The following CCSER1 variants were observed in gnomAD, a reference collection of about 807,000 sequenced individuals.
CCSER1 encodes the protein coiled-coil serine rich protein 1, also known as serine-rich coiled-coil domain-containing protein 1.
CCSER1 carries 41 observed loss-of-function variants against 82.0 expected under a neutral mutation model. The observed-to-expected ratio is 0.50, with a 90% CI of 0.39 to 0.65. CCSER1 has a LOEUF of 0.65. CCSER1 is among the 30% of genes least tolerant of loss of function. The probability of loss-of-function intolerance (pLI) is 0.00; values close to 1 mark genes in which losing one functional copy is unlikely to be tolerated. For missense variants in CCSER1, 1,119 were observed against 1,064.2 expected (o/e 1.05, Z -0.72); for synonymous variants, 414 against 383.9 (o/e 1.08, Z -0.92).
intron 7 of CCSER1, among the ~76,000 whole-genome samples, chr4:90,773,053 C>T (rs1366753835): frequency 6.6e-6 from 1 of 152,108 alleles, no homozygotes; most frequent in Non-Finnish European, 1.5e-5. Flanking sequence ...CCAGCCTGAC[C>T]AACGTGGAGA....
At chr4:90,286,129 T>C (rs773050401) in intron 1 of CCSER1, among the ~76,000 whole-genome samples, 26 of 152,062 alleles carry the variant, frequency 1.7e-4, no homozygotes, top group Non-Finnish European at 2.2e-4. Flanking sequence ...GGTTTTGGTA[T>C]TGGGGTAATA....
At chr4:91,252,861 G>T (rs185943602) in intron 10 of CCSER1, among the ~76,000 whole-genome samples, 88 of 152,188 alleles carry the variant, frequency 5.8e-4, no homozygotes, top group Admixed American at 7.2e-4. Flanking sequence ...CACAAAGGAA[G>T]ATAGTAATGC....
intron 9 of CCSER1, among the ~76,000 whole-genome samples, chr4:91,082,821 C>T (rs568971020): frequency 6.6e-6 from 1 of 152,286 alleles, no homozygotes; most frequent in African/African-American, 2.4e-5. Context: ...TGCTCATCAT[C>T]ACTGGTCATC....
chr4:90,608,778 C>T (rs1002143311), intron 5 of CCSER1, among the ~76,000 whole-genome samples: 3 of 150,674 alleles, frequency 2.0e-5, no homozygotes, highest in Non-Finnish European at 3.0e-5. Context: ...TTTATTTCTT[C>T]TTATTTTATT....
intron 10 of CCSER1, among the ~76,000 whole-genome samples, chr4:91,494,511 A>C (rs927414647): frequency 4.6e-5 from 7 of 151,814 alleles, no homozygotes; most frequent in Non-Finnish European, 8.8e-5. Flanking sequence ...AGTAATTACC[A>C]GTATGTTTTG....
intron 10 of CCSER1, among the ~76,000 whole-genome samples, chr4:91,426,877 C>T (rs142639815): frequency 6.6e-6 from 1 of 152,146 alleles, no homozygotes; most frequent in East Asian, 1.9e-4. Flanking sequence ...ATTTATTGAA[C>T]CCTATGAGTC....
intron 3 of CCSER1, among the ~76,000 whole-genome samples, chr4:90,351,842 A>G (rs935796418): frequency 6.6e-6 from 1 of 152,216 alleles, no homozygotes; most frequent in African/African-American, 2.4e-5. Flanking sequence ...ACTTAGTCAT[A>G]ATAAATAGAA....
At chr4:90,881,766 C>T (rs1721359278) in intron 8 of CCSER1, among the ~76,000 whole-genome samples, 1 of 152,094 alleles carries the variant, frequency 6.6e-6, no homozygotes, top group African/African-American at 2.4e-5. Flanking sequence ...AGCTGGGTGA[C>T]AGAGTAAGAC....
chr4:90,371,383 T>C (rs1747384733), intron 3 of CCSER1, among the ~76,000 whole-genome samples: 1 of 152,150 alleles, frequency 6.6e-6, no homozygotes, highest in African/African-American at 2.4e-5. Flanking sequence ...TTGAATAAAA[T>C]TTGTTTACAA....
chr4:90,499,507 C>T (rs756633923), intron 5 of CCSER1, among the ~76,000 whole-genome samples: 2 of 152,084 alleles, frequency 1.3e-5, no homozygotes, highest in African/African-American at 2.4e-5. Context: ...TCTTTATAAG[C>T]TTCTCTTGGT....
chr4:90,170,745 C>G (rs191113358), intron 1 of CCSER1, among the ~76,000 whole-genome samples: 1 of 151,848 alleles, frequency 6.6e-6, no homozygotes, highest in Admixed American at 6.6e-5. Flanking sequence ...TATATATGTA[C>G]TATATTTTCT....
At chr4:90,510,868 G>A (rs1334805766) in intron 5 of CCSER1, among the ~76,000 whole-genome samples, 1 of 152,172 alleles carries the variant, frequency 6.6e-6, no homozygotes, top group African/African-American at 2.4e-5. Context: ...ACAGTAGCAG[G>A]GTCCTGGCCC....
Position 90,276,251 on chromosome 4 carries a change from TTTCCTTCCTTCCTTCCTTCC to T in CCSER1, c.-41-31954_-41-31935del, listed in dbSNP as rs1225474182. ...CTTTCTTTCTTTCTTTCTTTCTTTCTTTCCTTCCTTCCTTCCTTCCTTCCTTCCTTCCTTCCTTCCTTCCT... is the reference window on the plus strand; with the variant it reads ...CTTTCTTTCTTTCTTTCTTTCTTTCTTTCCTTCCTTCCTTCCTTCCTTCCT... On this transcript the variant is annotated intron_variant, in intron 1 of 10. Transcript: ENST00000509176. Among the ~76,000 whole-genome samples the T allele has an allele frequency of 1.3e-3, 99 of 76,832 alleles. 1 individual carries two copies. Among genetic ancestry groups the T allele is most frequent in the Non-Finnish European group, 1.9e-3 (69 of 37,292 alleles). 50.4% of individuals were successfully genotyped at this position (76,832 alleles called of 152,430 possible). A position where few individuals can be genotyped will look rare whatever the true frequency, so the allele number is the denominator to read the frequency against.
chr4:91,212,658 A>G (rs1463204697), intron 10 of CCSER1, among the ~76,000 whole-genome samples: 3 of 152,246 alleles, frequency 2.0e-5, no homozygotes, highest in African/African-American at 7.2e-5. Context: ...AGAAAAAGTG[A>G]ATGTTACATG....
At chr4:90,366,587 G>A (rs1181542245) in intron 3 of CCSER1, among the ~76,000 whole-genome samples, 1 of 151,186 alleles carries the variant, frequency 6.6e-6, no homozygotes, top group African/African-American at 2.4e-5. Flanking sequence ...ACTCAAAAGG[G>A]AAAAAAAATC....
intron 10 of CCSER1, among the ~76,000 whole-genome samples, chr4:91,197,614 A>G (rs1364096967): frequency 6.6e-6 from 1 of 152,192 alleles, no homozygotes; most frequent in Non-Finnish European, 1.5e-5. Context: ...CAGCTGTTGA[A>G]TTGTATAAGA....
chr4:91,460,081 T>C (rs1462003459), intron 10 of CCSER1, among the ~76,000 whole-genome samples: 1 of 152,178 alleles, frequency 6.6e-6, no homozygotes, highest in Non-Finnish European at 1.5e-5. Context: ...CAAGATCACA[T>C]TGCAGGAGCA....
intron 5 of CCSER1, among the ~76,000 whole-genome samples, chr4:90,557,691 T>G (rs1239407087): frequency 6.6e-6 from 1 of 152,132 alleles, no homozygotes; most frequent in Non-Finnish European, 1.5e-5. Flanking sequence ...TACAAAATGT[T>G]TATCATTATT....
chr4:90,522,108 T>C (rs1363940629), intron 5 of CCSER1, among the ~76,000 whole-genome samples: 2 of 152,174 alleles, frequency 1.3e-5, no homozygotes, highest in African/African-American at 4.8e-5. Flanking sequence ...TGTCATTGAG[T>C]TTCAGAACTT....
Sources: allele counts gnomAD v4.1 joint callset (sites outside exome capture counted in the v4.1 genomes callset), GRCh38; gene constraint gnomAD v4.1.1; transcripts MANE v1.5; gene names NCBI Gene and HGNC (gene_info 2026-07-23, HGNC 2026-07-21).